The following ARID1B variants were observed in gnomAD, a reference collection of about 807,000 sequenced individuals.
The protein encoded by ARID1B is AT-rich interactive domain-containing protein 1B.
A neutral mutation model predicts 212.3 loss-of-function variants in ARID1B; 30 were observed. The observed-to-expected ratio is 0.14, with a 90% CI of 0.11 to 0.19. The LOEUF is 0.19. Ranked by LOEUF, ARID1B falls within the 10% of genes least tolerant of loss-of-function variation. The probability of loss-of-function intolerance (pLI) is 1.00; values close to 1 mark genes in which losing one functional copy is unlikely to be tolerated. For synonymous variants in ARID1B, 1,402 were observed against 1,301.7 expected, an observed-to-expected ratio of 1.08 and a Z score of -1.66; for missense variants, 2,891 against 3,204.0, an observed-to-expected ratio of 0.90 and a Z score of 2.36.
At chr6:156,919,349 A>C (rs181361722) in intron 3 of ARID1B, among the ~76,000 whole-genome samples, 95 of 152,274 alleles carry the variant, frequency 6.2e-4, no homozygotes, top group African/African-American at 2.0e-3. Context: ...TGATAATGCT[A>C]TGTATTCATT....
At chr6:157,063,668 G>A (rs973002042) in intron 4 of ARID1B, among the ~76,000 whole-genome samples, 2 of 152,200 alleles carry the variant, frequency 1.3e-5, no homozygotes, top group Non-Finnish European at 2.9e-5. Context: ...CTTCTAATGA[G>A]TCAGACTTCT....
rs1463009114 is a variant in ARID1B at position 156,966,383 on chromosome 6, TTTC to T, written c.2247+30810_2247+30812del. Among the ~76,000 whole-genome samples the T allele has an allele frequency of 6.6e-4, 58 of 88,516 alleles. 4 individuals are homozygous for T. Among genetic ancestry groups the T allele is most frequent in the Admixed American group, 1.6e-3 (13 of 8,356 alleles). 58.1% of individuals were successfully genotyped at this position (88,516 alleles called of 152,430 possible). A position where few individuals can be genotyped will look rare whatever the true frequency, so the allele number is the denominator to read the frequency against. On this transcript the variant is annotated intron_variant, in intron 4 of 19. Transcript: ENST00000636930. ...CAGACATAAATAACTTTTCTTTTCT[TTTC>T]TTTTTTTTTTTTTTTTTTTTTTTTG...
At chr6:157,076,341 G>T (rs118160532) in intron 4 of ARID1B, among the ~76,000 whole-genome samples, 1,598 of 151,472 alleles carry the variant, frequency 0.011, 19 homozygotes, top group Admixed American at 0.033. Context: ...AGGAGATGAG[G>T]TCTCACTGTG....
chr6:157,050,372 C>T (rs1782517777), intron 4 of ARID1B, among the ~76,000 whole-genome samples: 1 of 152,038 alleles, frequency 6.6e-6, no homozygotes, highest in Non-Finnish European at 1.5e-5. Flanking sequence ...GGTGAAACCC[C>T]GTCTCTACTA....
intron 4 of ARID1B, among the ~76,000 whole-genome samples, chr6:157,068,999 T>A (rs1020378499): frequency 3.9e-5 from 6 of 152,234 alleles, no homozygotes; most frequent in Admixed American, 2.6e-4. Context: ...GAAAATTCTG[T>A]GCAGTTCCTA....
intron 3 of ARID1B, among the ~76,000 whole-genome samples, chr6:156,930,614 G>A (rs1791617803): frequency 6.6e-6 from 1 of 152,160 alleles, no homozygotes; most frequent in South Asian, 2.1e-4. Flanking sequence ...CTATAGTGCT[G>A]TATGAAGAAC....
intron 6 of ARID1B, among the ~76,000 whole-genome samples, chr6:157,114,475 G>A (rs990213776): frequency 1.6e-5 from 2 of 123,688 alleles, no homozygotes; most frequent in Admixed American, 2.2e-4. Flanking sequence ...CGTGAGCTGA[G>A]ATCACGCCAC....
intron 4 of ARID1B, among the ~76,000 whole-genome samples, chr6:156,980,579 C>T (rs553165806): frequency 2.0e-4 from 30 of 152,318 alleles, no homozygotes; most frequent in South Asian, 1.9e-3. Context: ...GATGAAACCA[C>T]GCAGTGCTTT....
At chr6:156,825,732 G>GC (rs1782694987) in intron 1 of ARID1B, among the ~76,000 whole-genome samples, 1 of 152,204 alleles carries the variant, frequency 6.6e-6, no homozygotes, top group African/African-American at 2.4e-5. Context: ...CTGCCTCAGG[G>GC]CCCCGTATTG....
intron 3 of ARID1B, among the ~76,000 whole-genome samples, chr6:156,908,944 G>A (rs2128222856): frequency 6.6e-6 from 1 of 152,070 alleles, no homozygotes; most frequent in South Asian, 2.1e-4. Flanking sequence ...GCACTCCTAT[G>A]CCCTCACGTA....
intron 4 of ARID1B, among the ~76,000 whole-genome samples, chr6:157,042,891 C>T (rs547713411): frequency 2.6e-4 from 39 of 152,100 alleles, no homozygotes; most frequent in Non-Finnish European, 4.3e-4. Context: ...AAACTCCTGA[C>T]CTCAAGTGAT....
At chr6:156,823,047 G>A (rs1221979831) in intron 1 of ARID1B, among the ~76,000 whole-genome samples, 7 of 152,214 alleles carry the variant, frequency 4.6e-5, no homozygotes, top group Non-Finnish European at 1.0e-4. Flanking sequence ...CACTGTGGCT[G>A]ACCCCGATCC....
intron 9 of ARID1B, chr6:157,170,013 A>G (rs1028527678): frequency 8.5e-5 from 13 of 152,238 alleles, no homozygotes; most frequent in African/African-American, 3.1e-4. Flanking sequence ...GAAAAAGGCA[A>G]TCACACTACC....
At chr6:156,821,445 A>G (rs1443491877) in intron 1 of ARID1B, among the ~76,000 whole-genome samples, 2 of 152,248 alleles carry the variant, frequency 1.3e-5, no homozygotes, top group African/African-American at 2.4e-5. Context: ...TATTCTGCCA[A>G]AGGACCAAAG....
chr6:157,169,305 A>C (rs1791551800), intron 9 of ARID1B: 1 of 152,388 alleles, frequency 6.6e-6, no homozygotes, highest in South Asian at 2.1e-4. Flanking sequence ...CAGCCAGTGC[A>C]ACCAGCATTC....
intron 2 of ARID1B, among the ~76,000 whole-genome samples, chr6:156,897,071 A>G (rs1422040982): frequency 1.3e-5 from 2 of 152,110 alleles, no homozygotes; most frequent in Non-Finnish European, 2.9e-5. Flanking sequence ...ATAATTTTCT[A>G]AAATAAATAT....
In ARID1B at chr6:157,189,536, G is replaced by A. The variant is rs879043140; in HGVS notation, c.3920-106G>A. On this transcript the variant is annotated intron_variant, in intron 13 of 19. Coordinates refer to ENST00000636930, the MANE Select transcript of ARID1B (RefSeq NM_001374828.1). The stretch of plus-strand genomic sequence containing the variant: ...TTGTTACTGTTTCTAATAAGATGGT[G>A]TCTTATTTACATTTATGTCTTTCAT... 25 of 1,261,966 alleles carry A rather than the reference G, an allele frequency of 2.0e-5. No homozygotes were observed. In the South Asian group the frequency reaches 3.1e-4, roughly 16 times the overall value. The allele number at this position is 1,261,966 out of a possible 1,614,324, so 78.2% of individuals were successfully genotyped here.
intron 4 of ARID1B, among the ~76,000 whole-genome samples, chr6:157,011,133 T>G (rs1189304947): frequency 1.3e-5 from 2 of 152,378 alleles, no homozygotes; most frequent in East Asian, 3.9e-4. Context: ...ACTTTCTCTT[T>G]TACCTTTTGT....
chr6:156,886,801 A>G (rs898466048), intron 2 of ARID1B, among the ~76,000 whole-genome samples: 3 of 152,224 alleles, frequency 2.0e-5, no homozygotes, highest in Admixed American at 6.5e-5. Context: ...GAATGGATAC[A>G]TATTTTTTCA....
Sources: gnomAD v4.1 joint callset for allele counts (sites outside exome capture counted in the v4.1 genomes callset) on GRCh38, gnomAD v4.1.1 for gene constraint, MANE v1.5 for transcripts, NCBI Gene and HGNC (gene_info 2026-07-23, HGNC 2026-07-21) for gene names.